The following TMEM63C variants were observed in gnomAD, a reference collection of about 807,000 sequenced individuals.
The protein encoded by TMEM63C is osmosensitive cation channel TMEM63C.
TMEM63C carries 32 observed loss-of-function variants against 99.2 expected under a neutral mutation model. The observed-to-expected ratio is 0.32, with a 90% CI of 0.24 to 0.43. The LOEUF (loss-of-function observed/expected upper bound fraction) is 0.43. TMEM63C is among the 20% of genes least tolerant of loss of function. TMEM63C has a pLI of 1.00. For missense variants in TMEM63C, 826 were observed against 1,053.0 expected (o/e 0.78, Z 2.98); for synonymous variants, 376 against 397.9 (o/e 0.94, Z 0.66).
intron 1 of TMEM63C, among the ~76,000 whole-genome samples, chr14:77,191,500 ATT>A (rs11301125): frequency 1.3e-4 from 17 of 133,992 alleles, no homozygotes; most frequent in African/African-American, 4.1e-4. Context: ...CAAGTTCTCC[ATT>A]TTTTTTTTCT....
chr14:77,257,998 G>A lies in TMEM63C; in HGVS notation c.*1272G>A, dbSNP rs994876772. 1 of 152,292 alleles carries A rather than the reference G, an allele frequency of 6.6e-6. No homozygotes were observed. The highest frequency in any genetic ancestry group is 6.5e-5 in the Admixed American group (1 of 15,288). 9.4% of individuals were successfully genotyped at this position (152,292 alleles called of 1,614,324 possible). ...CCAGGGCTGCCACTACCAGAGACCT[G>A]GGGGAGCTGAATTCCGAACAGTGAT... On this transcript the variant is annotated 3_prime_UTR_variant, in exon 24 of 24. Transcript: ENST00000298351.
rs61752542 is a variant in TMEM63C at position 77,251,895 on chromosome 14, C to T, written c.2145C>T (p.Tyr715=). 20,355 of 1,612,260 alleles carry T rather than the reference C, an allele frequency of 0.013. 201 individuals carry two copies. Among genetic ancestry groups the T allele is most frequent in the Middle Eastern group, 0.03 (180 of 6,060 alleles). ...GGAAGCTTCGGATGGTTGCCGACTA[C>T]GAGGTGAGTTGCCAGCCTGCCCCTC... The part of the protein sequence containing the change: ...FLGKLRMVAD[Y]EPEEEEIQTV... Residue 715 remains tyrosine, a synonymous_variant, in exon 22 of 24, where the codon TAC becomes TAT. Coordinates refer to ENST00000298351, the MANE Select transcript of TMEM63C (RefSeq NM_020431.4).
chr14:77,182,605 C>T (rs1379681839), intron 1 of TMEM63C, among the ~76,000 whole-genome samples: 4 of 152,132 alleles, frequency 2.6e-5, no homozygotes, highest in Non-Finnish European at 5.9e-5. Flanking sequence ...TCTGGAGGGG[C>T]AGGGGCCCTT....
intron 7 of TMEM63C, among the ~76,000 whole-genome samples, chr14:77,232,574 C>A (rs1227640984): frequency 6.6e-6 from 1 of 152,210 alleles, no homozygotes; most frequent in Non-Finnish European, 1.5e-5. Flanking sequence ...AGGCATGAGC[C>A]ACCGCACCTG....
intron 15 of TMEM63C, 108 bp from the exon 16 acceptor site, chr14:77,244,241 C>G: frequency 1.2e-6 from 1 of 860,074 alleles, no homozygotes. Flanking sequence ...CCCTTGCAGC[C>G]TCCAGGAGAG....
chr14:77,214,593 G>A (rs1888549040), intron 2 of TMEM63C, among the ~76,000 whole-genome samples: 2 of 151,876 alleles, frequency 1.3e-5, no homozygotes, highest in African/African-American at 2.4e-5. Context: ...ACCCACAGGT[G>A]TCAACCTAGA....
intron 5 of TMEM63C, 93 bp from the exon 6 acceptor site, chr14:77,225,331 C>A: frequency 2.5e-6 from 3 of 1,213,458 alleles, no homozygotes; most frequent in South Asian, 1.4e-5. Context: ...GCTGCCGCGG[C>A]TGCCTCAGAT....
intron 1 of TMEM63C, among the ~76,000 whole-genome samples, chr14:77,186,139 G>A (rs1358199554): frequency 1.3e-5 from 2 of 151,988 alleles, no homozygotes; most frequent in African/African-American, 2.4e-5. Context: ...AGCCTCCCGA[G>A]TAGCTGGGAT....
At chr14:77,219,945 G>C in intron 4 of TMEM63C, 61 bp from the exon 5 acceptor site, 1 of 1,490,086 alleles carries the variant, frequency 6.7e-7, no homozygotes, top group Non-Finnish European at 9.1e-7. Context: ...GAGGGAGCAG[G>C]GCAGGCAGCT....
rs1020589158 is a variant in TMEM63C, at chr14:77,256,905, T to G, written c.*179T>G. 6.4e-6 allele frequency: 4 copies of G among 627,410 alleles called. No individual in the cohort carries two copies. The highest frequency in any genetic ancestry group is 1.1e-5 in the Non-Finnish European group (4 of 363,922). 38.9% of individuals were successfully genotyped at this position (627,410 alleles called of 1,614,324 possible). On this transcript the variant is annotated 3_prime_UTR_variant, in exon 24 of 24. Coordinates refer to ENST00000298351, the MANE Select transcript of TMEM63C (RefSeq NM_020431.4). ...CGGGGGTCCTGACCTGCTGCCCGGC[T>G]GGAACTGGGGGTGCTCGGCAGTGCT... is the stretch of plus-strand genomic sequence containing the variant.
intron 1 of TMEM63C, among the ~76,000 whole-genome samples, chr14:77,182,400 A>T (rs941957351): frequency 2.6e-5 from 4 of 152,194 alleles, no homozygotes; most frequent in Admixed American, 2.6e-4. Context: ...CCCCAGGGGA[A>T]CAATGCCACC....
chr14:77,235,366 G>A (rs796951517), intron 8 of TMEM63C, among the ~76,000 whole-genome samples: 7 of 138,654 alleles, frequency 5.0e-5, no homozygotes, highest in African/African-American at 2.0e-4. Flanking sequence ...AGGTGAGAGG[G>A]GAGGATCCAG....
intron 18 of TMEM63C, 119 bp from the exon 19 acceptor site, chr14:77,248,228 A>G (rs1889296632): frequency 2.4e-6 from 2 of 820,130 alleles, no homozygotes; most frequent in Non-Finnish European, 3.9e-6. Context: ...CCTTGTCTGT[A>G]TCTGTATCTC....
intron 1 of TMEM63C, among the ~76,000 whole-genome samples, chr14:77,193,172 G>A (rs754592050): frequency 2.1e-4 from 32 of 152,288 alleles, no homozygotes; most frequent in South Asian, 1.4e-3. Flanking sequence ...ATGAAAATAC[G>A]TCTGTCTTTT....
intron 1 of TMEM63C, among the ~76,000 whole-genome samples, chr14:77,213,170 C>T (rs1359801901): frequency 6.6e-6 from 1 of 152,206 alleles, no homozygotes; most frequent in Non-Finnish European, 1.5e-5. Flanking sequence ...CACGCTTGCC[C>T]ATTGCACAGG....
intron 2 of TMEM63C, among the ~76,000 whole-genome samples, chr14:77,214,931 C>T (rs2140105612): frequency 6.6e-6 from 1 of 152,310 alleles, no homozygotes; most frequent in African/African-American, 2.4e-5. Context: ...GGTCCTCACC[C>T]ATCTTGCATC....
intron 8 of TMEM63C, among the ~76,000 whole-genome samples, chr14:77,234,003 A>G (rs567673396): frequency 1.2e-4 from 19 of 152,118 alleles, no homozygotes; most frequent in Non-Finnish European, 2.5e-4. Context: ...ATTCATGTCC[A>G]TCATTGGGGA....
Position 77,225,360 on chromosome 14 carries a change from C to T in TMEM63C, c.313-64C>T, listed in dbSNP as rs999454247. 6.4e-6 allele frequency: 10 copies of T among 1,553,828 alleles called. No individual in the cohort carries two copies. The African/African-American group carries it at 1.1e-4, about 17-fold the overall frequency. On this transcript the variant is annotated intron_variant, in intron 5 of 23. Coordinates refer to ENST00000298351, the MANE Select transcript of TMEM63C (RefSeq NM_020431.4). ...CTCAGATGACCTGGCCGCCTGGGTT[C>T]CCAGAGCTGGGCAGGGCAGGCCAGG... is the stretch of plus-strand genomic sequence containing the variant.
intron 1 of TMEM63C, among the ~76,000 whole-genome samples, chr14:77,213,240 CT>C (rs1428389131): frequency 6.6e-6 from 1 of 152,162 alleles, no homozygotes; most frequent in African/African-American, 2.4e-5. Flanking sequence ...AAATTCAAAA[CT>C]TTTACACTTC....
Sources: allele counts gnomAD v4.1 joint callset (sites outside exome capture counted in the v4.1 genomes callset), GRCh38; gene constraint gnomAD v4.1.1; transcripts MANE v1.5; gene names NCBI Gene and HGNC (gene_info 2026-07-23, HGNC 2026-07-21).